The following SORCS1 variants were observed in gnomAD, a reference collection of about 807,000 sequenced individuals.
SORCS1 encodes sortilin related VPS10 domain containing receptor 1, also known as VPS10 domain-containing receptor SorCS1.
In SORCS1, 60 loss-of-function variants were observed where a neutral mutation model predicts 146.1. The ratio of observed to expected loss-of-function variants is 0.41; its 90% CI spans 0.33 to 0.51. SORCS1 has a LOEUF of 0.51. Ranked by LOEUF, SORCS1 falls within the 20% of genes least tolerant of loss-of-function variation. The pLI, the probability that SORCS1 is intolerant of heterozygous loss-of-function variation, is 0.21. For synonymous variants in SORCS1, 637 were observed against 584.0 expected (o/e 1.09, Z -1.31); for missense variants, 1,352 against 1,487.6 (o/e 0.91, Z 1.50).
intron 2 of SORCS1, among the ~76,000 whole-genome samples, chr10:106,835,633 TAAGC>T (rs1188807388): frequency 6.6e-6 from 1 of 152,232 alleles, no homozygotes; most frequent in African/African-American, 2.4e-5. Flanking sequence ...AACTGGAATA[TAAGC>T]AATAAAGATT....
At chr10:107,138,096 C>T (rs1007836453) in intron 1 of SORCS1, among the ~76,000 whole-genome samples, 1 of 152,092 alleles carries the variant, frequency 6.6e-6, no homozygotes, top group Admixed American at 6.6e-5. Flanking sequence ...CTTATATTTT[C>T]ATTTCTGCAA....
chr10:106,862,467 T>C (rs1214934470), intron 2 of SORCS1, among the ~76,000 whole-genome samples: 1 of 152,126 alleles, frequency 6.6e-6, no homozygotes, highest in East Asian at 1.9e-4. Context: ...CAATGACATT[T>C]AGAAATAATC....
At chr10:106,657,029 T>C (rs1850347319) in intron 17 of SORCS1, among the ~76,000 whole-genome samples, 1 of 152,186 alleles carries the variant, frequency 6.6e-6, no homozygotes, top group South Asian at 2.1e-4. Context: ...GTACCACGTC[T>C]ATGGAAAGCA....
At chr10:106,625,239 TGTGTG>T in intron 19 of SORCS1, among the ~76,000 whole-genome samples, 1 of 140,578 alleles carries the variant, frequency 7.1e-6, no homozygotes, top group East Asian at 2.4e-4. Flanking sequence ...TGTGTGTGTG[TGTGTG>T]TGTACACTGG....
chr10:106,586,061 A>G (rs993794030), intron 24 of SORCS1, among the ~76,000 whole-genome samples: 1 of 152,356 alleles, frequency 6.6e-6, no homozygotes, highest in East Asian at 1.9e-4. Context: ...GTGGTTTGTT[A>G]CATAGCAATA....
At chr10:107,006,272 C>A (rs773225775) in intron 1 of SORCS1, among the ~76,000 whole-genome samples, 2 of 152,182 alleles carry the variant, frequency 1.3e-5, no homozygotes, top group African/African-American at 2.4e-5. Context: ...TGTATCCCAG[C>A]TAGCCCTGTG....
At chr10:106,921,030 C>T (rs1440767134) in intron 2 of SORCS1, among the ~76,000 whole-genome samples, 2 of 152,188 alleles carry the variant, frequency 1.3e-5, no homozygotes, top group Non-Finnish European at 2.9e-5. Context: ...ACGGCAAGAA[C>T]ATCTCTAGCT....
rs201589499 is a variant in SORCS1 at position 106,679,716 on chromosome 10, G to A, written c.1579C>T (p.Leu527Phe). ...GGATTCTCAGAGACCTTCAGGTGAA[G>A]GTGTAGTGAGCAATAGGGCTGAAAA... ...HCLLPYCSLH[L>F]HLKVSENPYT... is the part of the protein sequence containing the mutation. Residue 527 changes from leucine (L) to phenylalanine (F), a missense_variant, in exon 11 of 26, where the codon CTT becomes TTT. By Grantham distance (22) the Leu-to-Phe change is conservative (BLOSUM62 0). This residue lies in a region of SORCS1 where 648 missense variants were observed against 793.8 expected (regional missense o/e 0.82). Coordinates refer to ENST00000263054, the MANE Select transcript of SORCS1 (RefSeq NM_052918.5). 3.1e-6 allele frequency: 5 copies of A among 1,611,034 alleles called. No individual in the cohort carries two copies. Among genetic ancestry groups the A allele is most frequent in the Non-Finnish European group, 4.2e-6 (5 of 1,178,442 alleles).
rs146666715 is a variant in SORCS1, at chr10:106,652,467, G to A, written c.2390C>T (p.Pro797Leu). ...AGCCGTGACTATCCGCAGCCCCCGC[G>A]GGGCTTTCCCTGGGCACTTCTGCGG... Reference protein sequence around the residue: ...AKPQKCPGKAPRGLRIVTADG... With the variant: ...AKPQKCPGKALRGLRIVTADG... Residue 797 changes from proline to leucine, a missense_variant, in exon 18 of 26, where the codon CCG becomes CTG. By Grantham distance (98) the Pro-to-Leu change is moderately conservative. Around this residue, in one of 3 missense-constraint regions of SORCS1, gnomAD observed 648 missense variants for 793.8 expected, o/e 0.82. Transcript: ENST00000263054. 14 of 1,614,084 alleles carry A rather than the reference G, an allele frequency of 8.7e-6. No individual in the cohort carries two copies. Among genetic ancestry groups the A allele is most frequent in the Non-Finnish European group, 1.1e-5 (13 of 1,179,982 alleles).
chr10:107,072,220 A>G (rs1962489032), intron 1 of SORCS1, among the ~76,000 whole-genome samples: 1 of 152,224 alleles, frequency 6.6e-6, no homozygotes, highest in African/African-American at 2.4e-5. Flanking sequence ...CTCTGCTTGC[A>G]GAGCTTAACA....
chr10:106,675,205 A>C (rs774181576), intron 13 of SORCS1, 49 bp from the exon 14 acceptor site: 1 of 1,396,706 alleles, frequency 7.2e-7, no homozygotes, highest in South Asian at 1.2e-5. Flanking sequence ...GGAAAAAAAA[A>C]TGTCATTTCA....
At chr10:106,925,889 G>A (rs1429344233) in intron 2 of SORCS1, among the ~76,000 whole-genome samples, 1 of 152,060 alleles carries the variant, frequency 6.6e-6, no homozygotes, top group Non-Finnish European at 1.5e-5. Flanking sequence ...CAGGTTTATT[G>A]GGCTCTCTAA....
intron 3 of SORCS1, among the ~76,000 whole-genome samples, chr10:106,778,299 C>T (rs138207074): frequency 3.3e-5 from 5 of 152,112 alleles, no homozygotes; most frequent in South Asian, 2.1e-4. Context: ...GCTACACTCC[C>T]GACAAGATGA....
At chr10:106,649,968 G>C (rs1020840302) in intron 18 of SORCS1, among the ~76,000 whole-genome samples, 3 of 151,678 alleles carry the variant, frequency 2.0e-5, no homozygotes. Context: ...TACCACTCTG[G>C]GGTTCAATTT....
intron 1 of SORCS1, among the ~76,000 whole-genome samples, chr10:107,041,693 T>G (rs1228320889): frequency 6.6e-6 from 1 of 152,174 alleles, no homozygotes; most frequent in Non-Finnish European, 1.5e-5. Context: ...TAAATCCAGC[T>G]ATCTAGTGAA....
chr10:106,779,547 ATTTTTT>A (rs11357093), intron 3 of SORCS1, among the ~76,000 whole-genome samples: 2 of 84,840 alleles, frequency 2.4e-5, no homozygotes, highest in Non-Finnish European at 5.6e-5. Context: ...TATGGCCCAT[ATTTTTT>A]TTTTTTTTTT....
At chr10:107,134,275 T>C (rs1412527553) in intron 1 of SORCS1, among the ~76,000 whole-genome samples, 1 of 152,198 alleles carries the variant, frequency 6.6e-6, no homozygotes, top group African/African-American at 2.4e-5. Flanking sequence ...CTTTTTAAAC[T>C]TTACGCTTTT....
At chr10:106,962,609 A>C (rs1955286361) in intron 1 of SORCS1, among the ~76,000 whole-genome samples, 1 of 152,130 alleles carries the variant, frequency 6.6e-6, no homozygotes, top group African/African-American at 2.4e-5. Context: ...ATATTTCCAA[A>C]TCCTGAATAA....
chr10:106,908,556 G>A (rs1372745902), intron 2 of SORCS1, among the ~76,000 whole-genome samples: 2 of 152,200 alleles, frequency 1.3e-5, no homozygotes, highest in Non-Finnish European at 2.9e-5. Flanking sequence ...AGCCACAGCT[G>A]AAGAGAGCTA....
Sources: allele counts gnomAD v4.1 joint callset (sites outside exome capture counted in the v4.1 genomes callset), GRCh38; gene constraint gnomAD v4.1.1; regional missense constraint gnomAD v4.1.1; transcripts MANE v1.5; gene names NCBI Gene and HGNC (gene_info 2026-07-23, HGNC 2026-07-21).